RAD51B: variants seen among roughly 807,000 people sequenced by gnomAD.
The protein encoded by RAD51B is RAD51 paralog B.
Under a neutral mutation model 42.2 loss-of-function variants are expected in RAD51B, and 38 were observed. The ratio of observed to expected loss-of-function variants is 0.90; its 90% CI spans 0.70 to 1.18. The LOEUF is 1.18. Ranked by LOEUF, RAD51B falls within the 50% of genes most tolerant of loss-of-function variation. The probability of loss-of-function intolerance (pLI) is 0.00; values close to 1 mark genes in which losing one functional copy is unlikely to be tolerated. For missense variants in RAD51B, 373 were observed against 400.7 expected (o/e 0.93, Z 0.59); for synonymous variants, 154 against 145.2 (o/e 1.06, Z -0.43).
intron 7 of RAD51B, among the ~76,000 whole-genome samples, chr14:68,096,940 G>A (rs1300245620): frequency 6.6e-6 from 1 of 152,106 alleles, no homozygotes; most frequent in Non-Finnish European, 1.5e-5. Flanking sequence ...CATTATGCTG[G>A]TGATGGATGC....
intron 8 of RAD51B, among the ~76,000 whole-genome samples, chr14:68,353,846 A>G (rs1320918693): frequency 6.6e-6 from 1 of 152,214 alleles, no homozygotes; most frequent in East Asian, 1.9e-4. Context: ...CACTCCACAT[A>G]ACTATGCTTC....
At chr14:67,883,953 T>C (rs1389930338) in intron 5 of RAD51B, among the ~76,000 whole-genome samples, 1 of 152,226 alleles carries the variant, frequency 6.6e-6, no homozygotes, top group African/African-American at 2.4e-5. Flanking sequence ...AAACTTTATG[T>C]AATTAATGTC....
intron 2 of RAD51B, among the ~76,000 whole-genome samples, chr14:67,824,600 AT>A (rs568457286): frequency 2.0e-4 from 30 of 149,878 alleles, no homozygotes; most frequent in Admixed American, 4.0e-4. Flanking sequence ...GCATTCTGCA[AT>A]TTTTTTTTTG....
chr14:68,282,975 G>A (rs1017338091), intron 7 of RAD51B, among the ~76,000 whole-genome samples: 1 of 152,166 alleles, frequency 6.6e-6, no homozygotes, highest in African/African-American at 2.4e-5. Context: ...GGGTATCAAT[G>A]TTGGTATTTA....
At chr14:68,013,678 A>G (rs2075726293) in intron 7 of RAD51B, among the ~76,000 whole-genome samples, 1 of 152,224 alleles carries the variant, frequency 6.6e-6, no homozygotes, top group Non-Finnish European at 1.5e-5. Flanking sequence ...ATGGACAACA[A>G]ATAATTTACT....
intron 7 of RAD51B, among the ~76,000 whole-genome samples, chr14:67,973,675 A>T (rs1036832634): frequency 6.6e-6 from 1 of 152,132 alleles, no homozygotes; most frequent in Non-Finnish European, 1.5e-5. Flanking sequence ...AGCTGTTCTG[A>T]GTAAATGCCC....
rs371122470 is a variant in RAD51B, at chr14:68,403,339, G to A, written c.854-8085G>A. Among the ~76,000 whole-genome samples the A allele has an allele frequency of 8.6e-5, 13 of 151,096 alleles. No individual in the cohort carries two copies. The South Asian group carries it at 1.9e-3, about 22-fold the overall frequency. ...ACTTTTTTTTTTTTAACATGGAAAAGCATTCTTTTAAAGTTGACCCTTTTG... is the reference window on the plus strand; with the variant it reads ...ACTTTTTTTTTTTTAACATGGAAAAACATTCTTTTAAAGTTGACCCTTTTG... On this transcript the variant is annotated intron_variant, in intron 8 of 10. Coordinates refer to ENST00000471583, the MANE Select transcript of RAD51B (RefSeq NM_133510.4).
chr14:68,223,734 C>T (rs1011330156), intron 7 of RAD51B, among the ~76,000 whole-genome samples: 9 of 152,024 alleles, frequency 5.9e-5, no homozygotes, highest in African/African-American at 2.2e-4. Flanking sequence ...TCATCTTGGC[C>T]TTGATGAGAA....
chr14:67,966,846 A>T (rs1266736768), intron 7 of RAD51B, among the ~76,000 whole-genome samples: 1 of 152,130 alleles, frequency 6.6e-6, no homozygotes, highest in Non-Finnish European at 1.5e-5. Context: ...CAGTTTTTTC[A>T]ACTTCTTACA....
intron 11 of RAD51B, among the ~76,000 whole-genome samples, chr14:68,670,046 G>A (rs192587706): frequency 6.6e-5 from 10 of 152,320 alleles, no homozygotes; most frequent in African/African-American, 9.6e-5. Context: ...GGAGCCAAGC[G>A]CCCAGAATGG....
At chr14:68,201,123 A>G (rs1266880332) in intron 7 of RAD51B, among the ~76,000 whole-genome samples, 1 of 152,198 alleles carries the variant, frequency 6.6e-6, no homozygotes, top group Non-Finnish European at 1.5e-5. Context: ...AATACAAATC[A>G]TATTCGGAGT....
chr14:68,406,495 G>A (rs1035545078), intron 8 of RAD51B, among the ~76,000 whole-genome samples: 3 of 152,180 alleles, frequency 2.0e-5, no homozygotes, highest in Non-Finnish European at 2.9e-5. Context: ...TGGTACACCT[G>A]TGTAGGGCAC....
chr14:68,567,772 A>C (rs1889495852), intron 10 of RAD51B, among the ~76,000 whole-genome samples: 1 of 152,192 alleles, frequency 6.6e-6, no homozygotes, highest in African/African-American at 2.4e-5. Context: ...TCCTTGCTGT[A>C]CCCACAAGAA....
chr14:68,622,723 CAAAAA>C (rs34816047), intron 10 of RAD51B, among the ~76,000 whole-genome samples: 12 of 115,454 alleles, frequency 1.0e-4, no homozygotes, highest in Admixed American at 2.8e-4. Context: ...TATCCATTTA[CAAAAA>C]AAAAAAAAAA....
intron 10 of RAD51B, among the ~76,000 whole-genome samples, chr14:68,647,466 T>A (rs1892585919): frequency 6.6e-6 from 1 of 152,242 alleles, no homozygotes; most frequent in African/African-American, 2.4e-5. Flanking sequence ...GAGGTTTTTT[T>A]TAAGTCAGGA....
At chr14:68,552,562 C>A (rs1160830006) in intron 10 of RAD51B, among the ~76,000 whole-genome samples, 1 of 152,102 alleles carries the variant, frequency 6.6e-6, no homozygotes, top group Non-Finnish European at 1.5e-5. Flanking sequence ...AATGCAACAT[C>A]CATTACCAAA....
chr14:67,882,170 G>A (rs1395300463), intron 5 of RAD51B, among the ~76,000 whole-genome samples: 5 of 151,872 alleles, frequency 3.3e-5, no homozygotes, highest in Non-Finnish European at 7.4e-5. Flanking sequence ...ATAAGGTTTT[G>A]GTATGTTGCC....
chr14:68,115,086 A>G (rs1405606107), intron 7 of RAD51B, among the ~76,000 whole-genome samples: 1 of 140,870 alleles, frequency 7.1e-6, no homozygotes, highest in Non-Finnish European at 1.5e-5. Flanking sequence ...CTATAAAGAC[A>G]CATGCACACG....
chr14:68,415,031 CAAAAAA>C (rs71129885), intron 9 of RAD51B, among the ~76,000 whole-genome samples: 2 of 32,510 alleles, frequency 6.2e-5, no homozygotes, highest in Non-Finnish European at 1.1e-4. Flanking sequence ...GACTCTGTCT[CAAAAAA>C]AAAAAAAAAA....
Sources: allele counts gnomAD v4.1 joint callset (sites outside exome capture counted in the v4.1 genomes callset), GRCh38; gene constraint gnomAD v4.1.1; transcripts MANE v1.5; gene names NCBI Gene and HGNC (gene_info 2026-07-23, HGNC 2026-07-21).